The following TGM2 variants were observed in gnomAD, a reference collection of about 807,000 sequenced individuals.
TGM2 encodes protein-glutamine gamma-glutamyltransferase 2.
In TGM2, 53 loss-of-function variants were observed where a neutral mutation model predicts 75.6. The ratio of observed to expected loss-of-function variants is 0.70; its 90% CI spans 0.56 to 0.88. The LOEUF (loss-of-function observed/expected upper bound fraction) is 0.88, where lower values mean the gene tolerates loss of function less well. Among genes scored for constraint, TGM2 ranks in the 40% least tolerant of loss-of-function variants. The pLI, the probability that TGM2 is intolerant of heterozygous loss-of-function variation, is 0.00. For synonymous variants in TGM2, 374 were observed against 381.1 expected (o/e 0.98, Z 0.22); for missense variants, 842 against 928.5 (o/e 0.91, Z 1.21).
intron 10 of TGM2, among the ~76,000 whole-genome samples, chr20:38,137,218 C>A (rs2074910540): frequency 6.6e-6 from 1 of 152,202 alleles, no homozygotes; most frequent in Admixed American, 6.5e-5. Flanking sequence ...GGTGCGGTGG[C>A]TCACACCTAT....
upstream of TGM2, among the ~76,000 whole-genome samples, chr20:38,166,988 G>C (rs1317824819): frequency 6.6e-5 from 10 of 152,112 alleles, no homozygotes; most frequent in Admixed American, 2.0e-4. Context: ...CCATGGGCAG[G>C]ATTTTGCCTC....
rs45494691 is a variant in TGM2 at position 38,149,719 on chromosome 20, A to G, written c.552+1220T>C. 6.8e-3 allele frequency among the ~76,000 whole-genome samples: 1,033 copies of G among 150,886 alleles called. 9 individuals are homozygous for G. The highest frequency in any genetic ancestry group is 0.024 in the African/African-American group (988 of 40,750). ...AAAAAAAACAGGACCCTGGGAAATA[A>G]AGGAAGAACTTGACTTTGTTCTCCT... On this transcript the variant is annotated intron_variant, in intron 4 of 12. Coordinates refer to ENST00000361475, the MANE Select transcript of TGM2 (RefSeq NM_004613.4).
intron 8 of TGM2, among the ~76,000 whole-genome samples, chr20:38,140,517 C>A (rs2074959180): frequency 6.6e-6 from 1 of 152,182 alleles, no homozygotes; most frequent in Non-Finnish European, 1.5e-5. Flanking sequence ...CACCATAGCA[C>A]TTTCTTCAAT....
At chr20:38,161,047 C>T (rs552125190) in intron 2 of TGM2, among the ~76,000 whole-genome samples, 9 of 152,178 alleles carry the variant, frequency 5.9e-5, no homozygotes, top group South Asian at 4.1e-4. Context: ...TCAGGTGATC[C>T]GCCCTCCTCA....
In TGM2 at chr20:38,147,963, T is replaced by G; in HGVS notation, c.679A>C (p.Met227Leu). The change falls in exon 5 of 13, where the codon ATG becomes CTG. Residue 227 changes from methionine to leucine, a missense_variant and splice_region_variant. Coordinates refer to ENST00000361475, the MANE Select transcript of TGM2 (RefSeq NM_004613.4). The part of the protein sequence containing the change: ...PVYVGRVVSG[M>L]VNCNDDQGVL... Reference sequence around the variant, plus strand: ...GATGGGCCATGCCACTCACTCACCATGCCACTCACCACCCGGCCCACGTAG... The same window carrying G: ...GATGGGCCATGCCACTCACTCACCAGGCCACTCACCACCCGGCCCACGTAG... 2.5e-6 allele frequency: 4 copies of G among 1,610,362 alleles called. No homozygotes were observed. Among genetic ancestry groups the G allele is most frequent in the Non-Finnish European group, 3.4e-6 (4 of 1,179,004 alleles).
intron 4 of TGM2, among the ~76,000 whole-genome samples, chr20:38,150,086 G>A (rs1228777469): frequency 6.6e-6 from 1 of 152,222 alleles, no homozygotes; most frequent in Non-Finnish European, 1.5e-5. Context: ...TGAGGGGCCA[G>A]GGGTGCAATG....
At chr20:38,141,497 A>G in intron 7 of TGM2, 112 bp from the exon 8 acceptor site, 1 of 833,864 alleles carries the variant, frequency 1.2e-6, no homozygotes, top group Non-Finnish European at 2.0e-6. Flanking sequence ...CCTCGTCCCA[A>G]ACTGAGCCCA....
Position 38,151,071 on chromosome 20 carries a change from G to A in TGM2, c.434-14C>T, listed in dbSNP as rs993905644. ...ACACAGCATCCGCTGCAGGCAGGAA[G>A]AAAGGGACCTCAGCTCTGGGTCTGC... On this transcript the variant is annotated splice_polypyrimidine_tract_variant and intron_variant, in intron 3 of 12. Coordinates refer to ENST00000361475, the MANE Select transcript of TGM2 (RefSeq NM_004613.4). 5 of 1,602,118 alleles carry A rather than the reference G, an allele frequency of 3.1e-6. No individual in the cohort carries two copies. The highest frequency in any genetic ancestry group is 4.3e-6 in the Non-Finnish European group (5 of 1,169,194).
chr20:38,153,528 A>AAAAAAAAAAAAAGAAAAAAG (rs56670550), intron 3 of TGM2, among the ~76,000 whole-genome samples: 1 of 125,274 alleles, frequency 8.0e-6, no homozygotes, highest in East Asian at 2.9e-4. Flanking sequence ...TGGTCTCAAA[A>AAAAAAAAAAAAAGAAAAAAG]AAAAGAAAAA....
intron 8 of TGM2, among the ~76,000 whole-genome samples, chr20:38,140,411 T>C: frequency 6.6e-6 from 1 of 151,964 alleles, no homozygotes; most frequent in East Asian, 1.9e-4. Context: ...CCGCTGGAGG[T>C]CTTAAACCAG....
chr20:38,150,243 T>C (rs1047667472), intron 4 of TGM2, among the ~76,000 whole-genome samples: 8 of 152,170 alleles, frequency 5.3e-5, no homozygotes, highest in African/African-American at 1.9e-4. Context: ...AGATGAGCCA[T>C]TGGCTGAGCC....
intron 10 of TGM2, 51 bp from the exon 11 acceptor site, chr20:38,132,551 A>G: frequency 6.2e-7 from 1 of 1,609,432 alleles, no homozygotes; most frequent in Non-Finnish European, 8.5e-7. Context: ...CACCCCTCCC[A>G]ACTCTCTTGC....
chr20:38,161,057 A>G (rs1228585324), intron 2 of TGM2, among the ~76,000 whole-genome samples: 1 of 152,062 alleles, frequency 6.6e-6, no homozygotes, highest in Non-Finnish European at 1.5e-5. Context: ...CGCCCTCCTC[A>G]GCCTCCCAAA....
intron 3 of TGM2, 58 bp from the exon 4 acceptor site, chr20:38,151,115 C>A (rs2075111564): frequency 1.5e-6 from 2 of 1,350,768 alleles, no homozygotes; most frequent in Non-Finnish European, 2.1e-6. Context: ...AGGGTCCCTG[C>A]AAATCTGGAG....
At chr20:38,136,636 T>C (rs2074904521) in intron 10 of TGM2, among the ~76,000 whole-genome samples, 1 of 152,184 alleles carries the variant, frequency 6.6e-6, no homozygotes, top group African/African-American at 2.4e-5. Flanking sequence ...TTGATTCCAC[T>C]GCCCCTCAGA....
intron 4 of TGM2, among the ~76,000 whole-genome samples, chr20:38,150,503 C>G (rs1019322516): frequency 5.3e-5 from 8 of 152,192 alleles, no homozygotes; most frequent in Non-Finnish European, 1.2e-4. Flanking sequence ...AAATTCTCAA[C>G]CCCTAGTGTT....
intron 5 of TGM2, among the ~76,000 whole-genome samples, chr20:38,147,361 C>T (rs1405378647): frequency 2.0e-5 from 3 of 152,126 alleles, no homozygotes; most frequent in East Asian, 1.9e-4. Context: ...ACCCACGGGC[C>T]CTGCTCACTC....
At chr20:38,147,913 G>T (rs1433412799) in intron 5 of TGM2, 48 bp downstream of exon 5, 2 of 1,582,792 alleles carry the variant, frequency 1.3e-6, no homozygotes, top group Non-Finnish European at 1.7e-6. Flanking sequence ...AGGCCTGCGG[G>T]AGCCCCCTGT....
chr20:38,145,386 A>G (rs1480303976), intron 6 of TGM2: 1 of 152,194 alleles, frequency 6.6e-6, no homozygotes, highest in East Asian at 1.9e-4. Context: ...TGCACCCAAA[A>G]TCATTTTAAG....
Sources: gnomAD v4.1 joint callset for allele counts (sites outside exome capture counted in the v4.1 genomes callset) on GRCh38, gnomAD v4.1.1 for gene constraint, MANE v1.5 for transcripts, NCBI Gene and HGNC (gene_info 2026-07-23, HGNC 2026-07-21) for gene names.